The following RABEPK variants were observed in gnomAD, a reference collection of about 807,000 sequenced individuals.
RABEPK encodes the protein 40 kDa Rab9 effector protein.
A neutral mutation model predicts 34.1 loss-of-function variants in RABEPK; 27 were observed. The observed-to-expected ratio is 0.79, with a 90% CI of 0.58 to 1.09. The LOEUF (loss-of-function observed/expected upper bound fraction) is 1.09, where lower values mean the gene tolerates loss of function less well. Among genes scored for constraint, RABEPK ranks in the 50% least tolerant of loss-of-function variants. The pLI is 0.00. For synonymous variants in RABEPK, 172 were observed against 169.2 expected, an observed-to-expected ratio of 1.02 and a Z score of -0.13; for missense variants, 449 against 462.6, an observed-to-expected ratio of 0.97 and a Z score of 0.27.
intron 2 of RABEPK, among the ~76,000 whole-genome samples, chr9:125,204,810 C>G (rs1488526926): frequency 2.6e-5 from 4 of 152,010 alleles, no homozygotes; most frequent in Non-Finnish European, 5.9e-5. Context: ...TTGTCCCTCT[C>G]TTTTCCCAGC....
chr9:125,232,770 T>C (rs754300695), intron 7 of RABEPK, 25 bp downstream of exon 7: 3 of 1,597,776 alleles, frequency 1.9e-6, no homozygotes, highest in Non-Finnish European at 2.6e-6. Flanking sequence ...ATGGGGGATC[T>C]TTAAACAAAT....
In RABEPK at chr9:125,232,635, C is replaced by T. The variant is rs1463254013; in HGVS notation, c.716C>T (p.Ala239Val). The T allele has an allele frequency of 2.5e-6, 4 of 1,613,912 alleles. No individual in the cohort carries two copies. The Admixed American group carries it at 6.7e-5, about 27-fold the overall frequency. ...CAGAAGCTAAATCCCACTGGGGCTG[C>T]TCCAGCAGGCTGTGCTGCCCACTCA... ...KWQKLNPTGA[A>V]PAGCAAHSAV... Residue 239 changes from alanine to valine, a missense_variant, in exon 7 of 8, where the codon GCT (alanine) becomes GTT (valine). Transcript: ENST00000373538.
At chr9:125,223,904 A>G (rs540892082) in intron 5 of RABEPK, among the ~76,000 whole-genome samples, 1 of 152,218 alleles carries the variant, frequency 6.6e-6, no homozygotes, top group East Asian at 1.9e-4. Context: ...GAGTTTTTGC[A>G]GGCTGGGCGC....
intron 3 of RABEPK, among the ~76,000 whole-genome samples, chr9:125,210,001 CAGAT>C (rs1830482203): frequency 6.6e-6 from 1 of 152,134 alleles, no homozygotes; most frequent in African/African-American, 2.4e-5. Context: ...TCCTCAGAAA[CAGAT>C]AGCATATTTT....
At chr9:125,213,603 T>C in intron 4 of RABEPK, 81 bp downstream of exon 4, 5 of 1,219,286 alleles carry the variant, frequency 4.1e-6, no homozygotes, top group Non-Finnish European at 5.7e-6. Flanking sequence ...ATAAATCCAA[T>C]TATAATTCCA....
intron 1 of RABEPK, among the ~76,000 whole-genome samples, chr9:125,202,485 G>A (rs1829973084): frequency 6.6e-6 from 1 of 151,180 alleles, no homozygotes; most frequent in Non-Finnish European, 1.5e-5. Flanking sequence ...TTGCACCACT[G>A]CACTCCAACC....
intron 3 of RABEPK, 137 bp downstream of exon 3, chr9:125,207,858 G>T: frequency 9.4e-7 from 1 of 1,066,712 alleles, no homozygotes; most frequent in Admixed American, 2.4e-5. Context: ...AGGTGTGGTG[G>T]CTCACGCCTC....
intron 2 of RABEPK, among the ~76,000 whole-genome samples, chr9:125,206,621 G>A (rs1830243028): frequency 6.6e-6 from 1 of 152,222 alleles, no homozygotes; most frequent in Admixed American, 6.5e-5. Flanking sequence ...TCTGAAATCA[G>A]TAAATTCTGG....
chr9:125,213,949 C>A (rs1830749902), intron 4 of RABEPK, among the ~76,000 whole-genome samples: 2 of 152,004 alleles, frequency 1.3e-5, no homozygotes, highest in Non-Finnish European at 1.5e-5. Context: ...GGTAAAACCC[C>A]CATCTCTATT....
chr9:125,208,531 G>A (rs1830389305), intron 3 of RABEPK, among the ~76,000 whole-genome samples: 3 of 150,604 alleles, frequency 2.0e-5, no homozygotes, highest in Non-Finnish European at 4.4e-5. Context: ...GTGCCACCAT[G>A]CCCAGCTAAT....
intron 6 of RABEPK, among the ~76,000 whole-genome samples, chr9:125,232,207 G>A (rs1311943154): frequency 6.9e-6 from 1 of 144,942 alleles, no homozygotes; most frequent in Non-Finnish European, 1.5e-5. Flanking sequence ...CCCAGGAACT[G>A]TATTTAAAGT....
chr9:125,220,199 C>A lies in RABEPK; in HGVS notation c.365-340C>A, dbSNP rs1831224434. 5.4e-6 allele frequency: 4 copies of A among 746,216 alleles called. No homozygotes were observed. In the South Asian group the frequency reaches 1.8e-4, roughly 34 times the overall value. 46.2% of individuals were successfully genotyped at this position (746,216 alleles called of 1,614,324 possible). A position where few individuals can be genotyped will look rare whatever the true frequency, so the allele number is the denominator to read the frequency against. ...ATTTTTAGTAGAGATGGGGTTTTAC[C>A]CCATGTTGGCCAGGCTGGTTTCGAA... On this transcript the variant is annotated intron_variant, in intron 4 of 7. Coordinates refer to ENST00000373538, the MANE Select transcript of RABEPK (RefSeq NM_005833.4).
At position 125,218,043 on chromosome 9, in the gene RABEPK, A is replaced by G. The variant is rs1409473692; in HGVS notation, c.365-2496A>G. Among the ~76,000 whole-genome samples the G allele has an allele frequency of 8.6e-5, 13 of 151,968 alleles. No homozygotes were observed. The South Asian group carries it at 2.5e-3, about 29-fold the overall frequency. On this transcript the variant is annotated intron_variant, in intron 4 of 7. Transcript: ENST00000373538. ...GAACTGAGTTCAGGCCCGGCGCGGT[A>G]GCTCACGCCTGTAATCTCAGCACTT... is the stretch of plus-strand genomic sequence containing the variant.
At chr9:125,229,415 AGT>A (rs1832023363) in intron 6 of RABEPK, among the ~76,000 whole-genome samples, 1 of 152,224 alleles carries the variant, frequency 6.6e-6, no homozygotes, top group South Asian at 2.1e-4. Context: ...TAGACGACAG[AGT>A]GAGACTCCGT....
chr9:125,218,699 G>T (rs1413676131), intron 4 of RABEPK, among the ~76,000 whole-genome samples: 2 of 152,010 alleles, frequency 1.3e-5, no homozygotes, highest in African/African-American at 2.4e-5. Context: ...CATTTCTTAG[G>T]CATGTCACTT....
rs1832278582 is a variant in RABEPK, at chr9:125,232,624, C to T, written c.705C>T (p.Pro235=). ...ISDMKWQKLN[P]TGAAPAGCAA... is the part of the protein sequence containing the mutation. ...ACATGAAATGGCAGAAGCTAAATCC[C>T]ACTGGGGCTGCTCCAGCAGGCTGTG... Residue 235 remains proline (P), a synonymous_variant, in exon 7 of 8, where the codon CCC becomes CCT. Coordinates refer to ENST00000373538, the MANE Select transcript of RABEPK (RefSeq NM_005833.4). The T allele has an allele frequency of 6.2e-7, 1 of 1,613,774 alleles. No homozygotes were observed. Among genetic ancestry groups the T allele is most frequent in the Non-Finnish European group, 8.5e-7 (1 of 1,179,880 alleles).
chr9:125,206,401 G>A (rs1386245444), intron 2 of RABEPK, among the ~76,000 whole-genome samples: 1 of 152,058 alleles, frequency 6.6e-6, no homozygotes, highest in East Asian at 1.9e-4. Flanking sequence ...GGGAGGCTGA[G>A]GCAGGAGAAT....
chr9:125,233,130 G>A lies in RABEPK; in HGVS notation c.826+385G>A, dbSNP rs1307779365. On this transcript the variant is annotated intron_variant, in intron 7 of 7. Coordinates refer to ENST00000373538, the MANE Select transcript of RABEPK (RefSeq NM_005833.4). ...AAAGTGATGCAGTGCTTCCAATTTGGTTCCTCTATATCTAAATCCAAAAGA... is the reference window on the plus strand; with the variant it reads ...AAAGTGATGCAGTGCTTCCAATTTGATTCCTCTATATCTAAATCCAAAAGA... Among the ~76,000 whole-genome samples, 6 of 151,582 alleles carry A rather than the reference G, an allele frequency of 4.0e-5. No individual in the cohort carries two copies. The East Asian group carries it at 1.2e-3, about 29-fold the overall frequency.
chr9:125,221,617 A>T (rs1192275193), intron 5 of RABEPK: 1 of 151,872 alleles, frequency 6.6e-6, no homozygotes, highest in Non-Finnish European at 1.5e-5. Context: ...GAAGTAAAAG[A>T]TTCCCCTTCA....
Sources: allele counts gnomAD v4.1 joint callset (sites outside exome capture counted in the v4.1 genomes callset), GRCh38; gene constraint gnomAD v4.1.1; transcripts MANE v1.5; gene names NCBI Gene and HGNC (gene_info 2026-07-23, HGNC 2026-07-21).